PHF24: variants seen among roughly 807,000 people sequenced by gnomAD.
PHF24 encodes PHD finger protein 24, also known as Galpha inhibitory interacting protein.
PHF24 carries 25 observed loss-of-function variants against 42.6 expected under a neutral mutation model. The ratio of observed to expected loss-of-function variants is 0.59; its 90% CI spans 0.43 to 0.82. The LOEUF (loss-of-function observed/expected upper bound fraction) is 0.82, where lower values mean the gene tolerates loss of function less well. PHF24 is among the 40% of genes least tolerant of loss of function. The pLI, the probability that PHF24 is intolerant of heterozygous loss-of-function variation, is 0.00. For missense variants in PHF24, 470 were observed against 538.1 expected (o/e 0.87, Z 1.25); for synonymous variants, 185 against 204.8 (o/e 0.90, Z 0.83).
At chr9:34,979,872 C>T (rs1464663573) in exon 8 of PHF24, 1 of 152,194 alleles carries the variant, frequency 6.6e-6, no homozygotes, top group Non-Finnish European at 1.5e-5. Context: ...TAGAAATGCT[C>T]TTCAGCCGTC....
the PHF24 span, among the ~76,000 whole-genome samples, chr9:34,843,165 C>T: frequency 6.6e-6 from 1 of 152,018 alleles, no homozygotes; most frequent in Non-Finnish European, 1.5e-5. Flanking sequence ...AAACTGATTC[C>T]AAAAGAATGA....
At chr9:34,873,102 T>A in the PHF24 span, among the ~76,000 whole-genome samples, 3 of 150,618 alleles carry the variant, frequency 2.0e-5, no homozygotes, top group Non-Finnish European at 4.5e-5. Context: ...TTCTGGATAT[T>A]AGCCCTTTGT....
rs199743237 is a variant in PHF24, at chr9:34,976,565, G to A, written c.674G>A (p.Arg225His). 149 of 1,614,002 alleles carry A rather than the reference G, an allele frequency of 9.2e-5. No individual in the cohort carries two copies. In the Middle Eastern group the frequency reaches 9.9e-4, roughly 11 times the overall value. The change falls in exon 5 of 8, where the codon CGT (arginine) becomes CAT (histidine). Residue 225 changes from arginine (R) to histidine (H), a missense_variant. Physicochemically the swap from Arg to His is conservative, Grantham distance 29 (BLOSUM62 0). Transcript: ENST00000242315. ...TCCCTGACACTGGAGGACTTTCTGCGTTACCGCCACCAAGCAGCCAAGCGG... is the reference window on the plus strand; with the variant it reads ...TCCCTGACACTGGAGGACTTTCTGCATTACCGCCACCAAGCAGCCAAGCGG...
At chr9:34,882,143 C>T in the PHF24 span, among the ~76,000 whole-genome samples, 1 of 152,202 alleles carries the variant, frequency 6.6e-6, no homozygotes, top group African/African-American at 2.4e-5. Context: ...GCAGAAAAGG[C>T]CTTTGACAAA....
the PHF24 span, chr9:34,917,571 G>T: frequency 1.3e-6 from 1 of 775,884 alleles, no homozygotes; most frequent in African/African-American, 1.7e-5. Context: ...CCCTGGTTTG[G>T]CATGGAGCAG....
the PHF24 span, among the ~76,000 whole-genome samples, chr9:34,768,672 C>G: frequency 6.6e-6 from 1 of 152,188 alleles, no homozygotes; most frequent in Admixed American, 6.5e-5. Flanking sequence ...AAGGAACACT[C>G]TCACTAAAGA....
the PHF24 span, among the ~76,000 whole-genome samples, chr9:34,899,703 C>T: frequency 5.3e-5 from 8 of 152,140 alleles, no homozygotes; most frequent in Admixed American, 3.3e-4. Flanking sequence ...CTACCCAATG[C>T]AGGATTGTGG....
chr9:34,907,799 G>A, the PHF24 span, among the ~76,000 whole-genome samples: 3 of 151,582 alleles, frequency 2.0e-5, no homozygotes, highest in African/African-American at 7.3e-5. Context: ...TTTCTTCGCT[G>A]TAGTTTTGGG....
At chr9:34,846,669 T>C in the PHF24 span, among the ~76,000 whole-genome samples, 1 of 152,252 alleles carries the variant, frequency 6.6e-6, no homozygotes, top group South Asian at 2.1e-4. Flanking sequence ...CATGAAGTCC[T>C]TGCCCATGCC....
the PHF24 span, among the ~76,000 whole-genome samples, chr9:34,763,733 T>C: frequency 3.3e-5 from 5 of 152,022 alleles, no homozygotes; most frequent in African/African-American, 1.2e-4. Context: ...TCCAACACTA[T>C]GTTGAATAGG....
chr9:34,832,574 G>A, the PHF24 span: 1 of 1,543,198 alleles, frequency 6.5e-7, no homozygotes, highest in Non-Finnish European at 8.7e-7. Context: ...TTCTGGTTTT[G>A]GCCACCTTCA....
the PHF24 span, among the ~76,000 whole-genome samples, chr9:34,703,903 C>T: frequency 6.6e-6 from 1 of 151,984 alleles, no homozygotes; most frequent in Non-Finnish European, 1.5e-5. Flanking sequence ...GTTTATAGGA[C>T]TAACTGAGGC....
the PHF24 span, among the ~76,000 whole-genome samples, chr9:34,779,085 G>A: frequency 1.2e-4 from 18 of 152,026 alleles, no homozygotes; most frequent in African/African-American, 4.1e-4. Flanking sequence ...AAAACGTATG[G>A]AAAGCAGCAA....
chr9:34,733,166 T>C, the PHF24 span, among the ~76,000 whole-genome samples: 3 of 152,214 alleles, frequency 2.0e-5, no homozygotes, highest in Admixed American at 2.0e-4. Flanking sequence ...TCTCTTCCTA[T>C]GCTTGTTGAC....
At chr9:34,949,744 CAGGAA>C in the PHF24 span, among the ~76,000 whole-genome samples, 2 of 151,922 alleles carry the variant, frequency 1.3e-5, no homozygotes, top group Non-Finnish European at 1.5e-5. Flanking sequence ...CAAACTAACA[CAGGAA>C]CAGAAAACCA....
the PHF24 span, among the ~76,000 whole-genome samples, chr9:34,672,545 C>T: frequency 3.9e-5 from 6 of 152,160 alleles, no homozygotes; most frequent in East Asian, 9.7e-4. Context: ...GGGGACATAC[C>T]TGGTGAGATC....
the PHF24 span, among the ~76,000 whole-genome samples, chr9:34,765,754 T>C: frequency 2.0e-5 from 3 of 152,202 alleles, no homozygotes; most frequent in East Asian, 5.8e-4. Context: ...TGATGTTAGC[T>C]GGTTATTTTG....
the PHF24 span, chr9:34,833,340 A>C: frequency 3.9e-6 from 6 of 1,551,018 alleles, no homozygotes; most frequent in Non-Finnish European, 5.2e-6. Flanking sequence ...GAGTGGGCAG[A>C]ACCCTGGGGT....
chr9:34,854,369 G>A, the PHF24 span, among the ~76,000 whole-genome samples: 1 of 151,842 alleles, frequency 6.6e-6, no homozygotes, highest in East Asian at 1.9e-4. Flanking sequence ...GTTATGCTAG[G>A]TTGTTGATTT....
Sources: allele counts gnomAD v4.1 joint callset (sites outside exome capture counted in the v4.1 genomes callset), GRCh38; gene constraint gnomAD v4.1.1; transcripts MANE v1.5; gene names NCBI Gene and HGNC (gene_info 2026-07-23, HGNC 2026-07-21).